Variants in SETX observed in about 807,000 individuals in gnomAD.
SETX encodes helicase senataxin.
Under a neutral mutation model 227.2 loss-of-function variants are expected in SETX, and 90 were observed. That is an observed-to-expected ratio of 0.40 (90% CI 0.33 to 0.47). The LOEUF is 0.47. SETX is among the 20% of genes least tolerant of loss of function. SETX has a pLI of 0.91. For missense variants in SETX, 3,052 were observed against 3,181.5 expected (o/e 0.96, Z 0.98); for synonymous variants, 1,210 against 1,113.2 (o/e 1.09, Z -1.73).
intron 4 of SETX, among the ~76,000 whole-genome samples, chr9:132,343,155 T>C (rs891682872): frequency 4.6e-5 from 7 of 152,042 alleles, no homozygotes; most frequent in African/African-American, 1.7e-4. Flanking sequence ...CCGTCTCTAC[T>C]AAAAATACAA....
At chr9:132,337,279 C>T (rs555884721) in intron 5 of SETX, among the ~76,000 whole-genome samples, 14 of 151,690 alleles carry the variant, frequency 9.2e-5, no homozygotes, top group Non-Finnish European at 1.9e-4. Flanking sequence ...TTATGTTTAT[C>T]ATTTTCCATA....
intron 9 of SETX, 61 bp downstream of exon 9, chr9:132,330,989 CAA>C: frequency 7.8e-7 from 1 of 1,284,314 alleles, no homozygotes; most frequent in South Asian, 1.2e-5. Context: ...ACAAATTATA[CAA>C]AATAGTCTAC....
intron 17 of SETX, among the ~76,000 whole-genome samples, 189 bp downstream of exon 17, chr9:132,288,047 A>T (rs1844026953): frequency 6.6e-6 from 1 of 152,118 alleles, no homozygotes; most frequent in Non-Finnish European, 1.5e-5. Context: ...GTGCCGGCAC[A>T]ACCTTGTAAT....
At chr9:132,351,267 A>G (rs1461821347) in intron 2 of SETX, among the ~76,000 whole-genome samples, 1 of 152,226 alleles carries the variant, frequency 6.6e-6, no homozygotes, top group Non-Finnish European at 1.5e-5. Flanking sequence ...TCAGCAGCTA[A>G]CAGACTGCAG....
chr9:132,314,810 A>G (rs1489977020), intron 10 of SETX, among the ~76,000 whole-genome samples: 1 of 151,728 alleles, frequency 6.6e-6, no homozygotes, highest in African/African-American at 2.4e-5. Context: ...TAGACTAAAT[A>G]CACTGTTTGG....
rs143661911 is a variant in SETX, at chr9:132,327,165, G to A, written c.4433C>T (p.Ala1478Val). ...GDPTARHIEM[A>V]ALKEGEPDSS... The stretch of plus-strand genomic sequence containing the variant: ...GTCAGGCTCTCCTTCTTTCAAAGCT[G>A]CCATCTCTATATGACGTGCTGTTGG... Residue 1478 changes from alanine to valine, a missense_variant, in exon 10 of 26, where the codon GCA (alanine) becomes GTA (valine). Coordinates refer to ENST00000224140, the MANE Select transcript of SETX (RefSeq NM_015046.7). The A allele has an allele frequency of 2.5e-6, 4 of 1,614,148 alleles. No individual in the cohort carries two copies. The highest frequency in any genetic ancestry group is 3.4e-6 in the Non-Finnish European group (4 of 1,180,030).
intron 11 of SETX, among the ~76,000 whole-genome samples, chr9:132,308,877 G>A (rs554402487): frequency 4.6e-4 from 70 of 152,156 alleles, no homozygotes; most frequent in African/African-American, 7.5e-4. Flanking sequence ...GTGAGGCGCC[G>A]TGGCTCACAC....
intron 4 of SETX, among the ~76,000 whole-genome samples, chr9:132,345,278 T>C (rs1236643295): frequency 1.3e-5 from 2 of 152,184 alleles, no homozygotes; most frequent in African/African-American, 2.4e-5. Context: ...AAATTATTAT[T>C]ATTACTATTT....
In SETX at chr9:132,328,834, A is replaced by G. The variant is rs376464661; in HGVS notation, c.2764T>C (p.Ser922Pro). The change falls in exon 10 of 26, where the codon TCA (serine) becomes CCA (proline). Residue 922 changes from serine to proline, a missense_variant. Ser to Pro is a moderately conservative substitution (Grantham distance 74). Around this residue, in one of 10 missense-constraint regions of SETX, gnomAD observed 1,483 missense variants for 1,312.0 expected, o/e 1.13. Transcript: ENST00000224140. ...CTATTACTCATCTCCTCATCTCTTG[A>G]TTCAGGTACAGTCATAAGATCTTTA... The part of the protein sequence containing the change: ...PFKDLMTVPE[S>P]RDEEMSNSTS... The G allele has an allele frequency of 1.2e-6, 2 of 1,613,184 alleles. No homozygotes were observed. Among genetic ancestry groups the G allele is most frequent in the Non-Finnish European group, 1.7e-6 (2 of 1,179,736 alleles).
intron 10 of SETX, among the ~76,000 whole-genome samples, chr9:132,317,861 G>A (rs900011010): frequency 1.3e-5 from 2 of 151,850 alleles, no homozygotes; most frequent in African/African-American, 4.8e-5. Flanking sequence ...ACATTCTAAA[G>A]GTCTCAATAT....
At position 132,296,048 on chromosome 9, in the gene SETX, C is replaced by CA. The variant is rs1405515713; in HGVS notation, c.5950-21dup. On this transcript the variant is annotated intron_variant, in intron 14 of 25. Transcript: ENST00000224140. ...CTGGTTCTACAATTTGCCACATATA[C>CA]ATACCAAACAAACACACAAAAAATA... 6.2e-7 allele frequency: 1 copy of CA among 1,614,138 alleles called. No homozygotes were observed. Among genetic ancestry groups the CA allele is most frequent in the Non-Finnish European group, 8.5e-7 (1 of 1,180,006 alleles).
intron 2 of SETX, among the ~76,000 whole-genome samples, chr9:132,353,430 C>T (rs953934498): frequency 1.3e-5 from 2 of 152,036 alleles, no homozygotes; most frequent in African/African-American, 4.8e-5. Flanking sequence ...TTTTAAAGAA[C>T]TCCACTAAGA....
chr9:132,310,793 CTCT>C (rs1380131489), intron 11 of SETX, among the ~76,000 whole-genome samples: 1 of 152,188 alleles, frequency 6.6e-6, no homozygotes, highest in Non-Finnish European at 1.5e-5. Context: ...ATCCCTCCTC[CTCT>C]TCATCTATCT....
chr9:132,304,110 A>G (rs990009250), intron 11 of SETX, among the ~76,000 whole-genome samples: 2 of 152,202 alleles, frequency 1.3e-5, no homozygotes, highest in African/African-American at 4.8e-5. Flanking sequence ...CGTCTCAAAA[A>G]AAGAGAGCTC....
At chr9:132,325,167 T>C (rs191114371) in intron 10 of SETX, among the ~76,000 whole-genome samples, 30 of 151,974 alleles carry the variant, frequency 2.0e-4, no homozygotes, top group Admixed American at 6.5e-4. Flanking sequence ...CCATCCTGGC[T>C]AACATGGTGA....
chr9:132,283,477 T>C (rs1413021637), intron 18 of SETX, 64 bp from the exon 19 acceptor site: 1 of 1,570,604 alleles, frequency 6.4e-7, no homozygotes, highest in Non-Finnish European at 8.8e-7. Flanking sequence ...GACAGGCCTA[T>C]GTTTACTATA....
rs774297687 is a variant in SETX, at chr9:132,334,681, G to T, written c.765C>A (p.Ser255=). 5 of 1,613,834 alleles carry T rather than the reference G, an allele frequency of 3.1e-6. No individual in the cohort carries two copies. Among genetic ancestry groups the T allele is most frequent in the Middle Eastern group, 1.6e-4 (1 of 6,084 alleles). The change falls in exon 7 of 26, where the codon TCC becomes TCA. Residue 255 remains serine, a synonymous_variant. Coordinates refer to ENST00000224140, the MANE Select transcript of SETX (RefSeq NM_015046.7). ...TTTGTTTGTCTGAGCCCAACAACAG[G>T]GAATCCATGGCTTGTTCCTCAAGAA... The part of the protein sequence containing the change: ...LTILEEQAMD[S]LLLGSDKQND...
chr9:132,307,966 C>T (rs532505401), intron 11 of SETX, among the ~76,000 whole-genome samples: 8 of 152,202 alleles, frequency 5.3e-5, no homozygotes, highest in African/African-American at 7.2e-5. Flanking sequence ...CCTGAGCCAC[C>T]GCACCCGGAC....
chr9:132,287,494 A>G (rs965193359), intron 17 of SETX, among the ~76,000 whole-genome samples: 9 of 152,252 alleles, frequency 5.9e-5, no homozygotes, highest in African/African-American at 1.9e-4. Flanking sequence ...CCTATCTCAA[A>G]AACAAACAAA....
Sources: allele counts gnomAD v4.1 joint callset (sites outside exome capture counted in the v4.1 genomes callset), GRCh38; gene constraint gnomAD v4.1.1; regional missense constraint gnomAD v4.1.1; transcripts MANE v1.5; gene names NCBI Gene and HGNC (gene_info 2026-07-23, HGNC 2026-07-21).